Variants in FGF13 observed in about 807,000 individuals in gnomAD.
FGF13 encodes the protein fibroblast growth factor homologous factor 2.
Under a neutral mutation model 19.5 loss-of-function variants are expected in FGF13, and 2 were observed. The ratio of observed to expected loss-of-function variants is 0.10; its 90% confidence interval spans 0.04 to 0.32. FGF13 has a LOEUF of 0.32. Ranked by LOEUF, FGF13 falls within the 10% of genes least tolerant of loss-of-function variation. The pLI is 1.00. For missense variants in FGF13, 113 were observed against 192.7 expected (o/e 0.59, Z 2.45); for synonymous variants, 72 against 76.9 (o/e 0.94, Z 0.33).
At chrX:139,003,976 G>C (rs1023602536) in intron 1 of FGF13, among the ~76,000 whole-genome samples, 1 of 112,486 alleles carries the variant, frequency 8.9e-6, no homozygotes, top group African/African-American at 3.2e-5. Flanking sequence ...AGTGGATCCT[G>C]CACCGGGGCT....
intron 1 of FGF13, among the ~76,000 whole-genome samples, chrX:138,878,380 C>A (rs1356688617): frequency 1.0e-5 from 1 of 99,012 alleles, no homozygotes; most frequent in African/African-American, 3.8e-5. Context: ...CAATTCCCAC[C>A]TATGAGTGAG....
intron 3 of FGF13, among the ~76,000 whole-genome samples, chrX:138,815,327 T>A (rs889181137): frequency 6.3e-5 from 7 of 111,156 alleles, no homozygotes; most frequent in Non-Finnish European, 1.1e-4. Context: ...AAGTAAAACT[T>A]ACATGTTCTT....
At chrX:139,001,617 T>G (rs1183846904) in intron 1 of FGF13, among the ~76,000 whole-genome samples, 1 of 111,319 alleles carries the variant, frequency 9.0e-6, no homozygotes, top group Non-Finnish European at 1.9e-5. Context: ...CATTGGAAAA[T>G]ACAAATCAAA....
At chrX:138,775,828 T>C (rs973894135) in intron 3 of FGF13, among the ~76,000 whole-genome samples, 15 of 112,758 alleles carry the variant, frequency 1.3e-4, no homozygotes, top group Non-Finnish European at 2.8e-4. Flanking sequence ...TATTAACATA[T>C]TCCAGACACT....
At chrX:138,692,507 A>G (rs1157558661) in intron 3 of FGF13, among the ~76,000 whole-genome samples, 1 of 110,604 alleles carries the variant, frequency 9.0e-6, no homozygotes, top group East Asian at 2.8e-4. Context: ...AAATAAAGCT[A>G]AAAAGTCATA....
At chrX:138,841,797 T>G in intron 3 of FGF13, among the ~76,000 whole-genome samples, 1 of 111,896 alleles carries the variant, frequency 8.9e-6, no homozygotes, top group Middle Eastern at 4.7e-3. Flanking sequence ...CCCAAAATAT[T>G]ATGTGAAAAT....
rs1474406365 is a variant in FGF13, at chrX:138,616,768, G to A, written c.*16082C>T. On this transcript the variant is annotated 3_prime_UTR_variant, in exon 5 of 5. Coordinates refer to ENST00000315930, the MANE Select transcript of FGF13 (RefSeq NM_004114.5). The stretch of plus-strand genomic sequence containing the variant: ...ATTTCCATACATCCTCTGAAATCTA[G>A]GCAGAGGTTCCCAAACCTCAATTCT... The A allele has an allele frequency of 8.9e-6, 1 of 112,287 alleles. No homozygotes were observed. The highest frequency in any genetic ancestry group is 1.9e-5 in the Non-Finnish European group (1 of 53,295). The allele number at this position is 112,287 out of a possible 1,213,427, so 9.3% of individuals were successfully genotyped here.
chrX:138,912,082 A>G (rs2091590944), intron 1 of FGF13, among the ~76,000 whole-genome samples: 1 of 111,310 alleles, frequency 9.0e-6, no homozygotes, highest in Non-Finnish European at 1.9e-5. Context: ...GTTGAAATAA[A>G]AAATACTAAA....
At chrX:139,103,650 G>T (rs1270909568) in intron 1 of FGF13, among the ~76,000 whole-genome samples, 1 of 111,911 alleles carries the variant, frequency 8.9e-6, no homozygotes, top group Non-Finnish European at 1.9e-5. Context: ...TAAAACCATT[G>T]AATTGTATGC....
At chrX:138,973,875 G>A (rs2091929486) in intron 1 of FGF13, among the ~76,000 whole-genome samples, 1 of 111,316 alleles carries the variant, frequency 9.0e-6, no homozygotes, top group African/African-American at 3.3e-5. Context: ...TTCAGTCTAC[G>A]CATGTTCTTA....
intron 1 of FGF13, among the ~76,000 whole-genome samples, chrX:139,170,460 C>T (rs1247588337): frequency 8.9e-6 from 1 of 111,854 alleles, no homozygotes; most frequent in African/African-American, 3.3e-5. Context: ...TTCCCAGATA[C>T]CTGCATTCTC....
At chrX:138,840,438 T>C (rs2091142889) in intron 3 of FGF13, among the ~76,000 whole-genome samples, 1 of 111,909 alleles carries the variant, frequency 8.9e-6, no homozygotes, top group Non-Finnish European at 1.9e-5. Flanking sequence ...TAGGCAAACA[T>C]TGGAGTAAAT....
intron 1 of FGF13, among the ~76,000 whole-genome samples, chrX:138,889,001 G>A (rs1364755156): frequency 8.9e-6 from 1 of 112,042 alleles, no homozygotes; most frequent in Non-Finnish European, 1.9e-5. Flanking sequence ...TATTTTTTGA[G>A]CACCAACCAT....
intron 3 of FGF13, among the ~76,000 whole-genome samples, chrX:138,819,196 A>T (rs1353148333): frequency 9.0e-6 from 1 of 111,311 alleles, no homozygotes; most frequent in Non-Finnish European, 1.9e-5. Context: ...AGCCTTTTTG[A>T]GGCTCAATAT....
chrX:138,924,150 C>T (rs2091660329), intron 1 of FGF13, among the ~76,000 whole-genome samples: 1 of 112,269 alleles, frequency 8.9e-6, no homozygotes, highest in African/African-American at 3.2e-5. Context: ...CTCAAATTAG[C>T]TTTAGCAATG....
At chrX:138,819,586 T>C (rs1347021685) in intron 3 of FGF13, among the ~76,000 whole-genome samples, 1 of 111,522 alleles carries the variant, frequency 9.0e-6, no homozygotes, top group Non-Finnish European at 1.9e-5. Context: ...TTTCCCAGGT[T>C]TGCTTTCAGA....
rs1248245396 is a variant in FGF13, at chrX:139,113,262, C to T, written c.-113+90154G>A. Among the ~76,000 whole-genome samples the T allele has an allele frequency of 2.7e-5, 3 of 109,753 alleles. No individual in the cohort carries two copies. In the East Asian group the frequency reaches 8.7e-4, roughly 32 times the overall value. ...ACCCATCATCTGTCTCTCCACCACC[C>T]CTTCTCATATTCTTCAAGTGTATGT... On this transcript the variant is annotated intron_variant, in intron 1 of 2. Transcript: ENST00000421460.
At chrX:138,756,370 T>G (rs1453184833) in intron 3 of FGF13, among the ~76,000 whole-genome samples, 4 of 112,103 alleles carry the variant, frequency 3.6e-5, no homozygotes, top group Non-Finnish European at 7.5e-5. Context: ...CACTGGGAAC[T>G]GCGGTGGGGG....
At chrX:138,816,550 T>C (rs1054558978) in intron 3 of FGF13, among the ~76,000 whole-genome samples, 1 of 112,467 alleles carries the variant, frequency 8.9e-6, no homozygotes, top group Non-Finnish European at 1.9e-5. Context: ...TTGCAAAAAA[T>C]AGGAAACTGA....
Sources: gnomAD v4.1 joint callset for allele counts (sites outside exome capture counted in the v4.1 genomes callset) on GRCh38, gnomAD v4.1.1 for gene constraint, MANE v1.5 for transcripts, NCBI Gene and HGNC (gene_info 2026-07-23, HGNC 2026-07-21) for gene names.